COL14A1: variants seen among roughly 807,000 people sequenced by gnomAD.
COL14A1 encodes collagen type XIV alpha 1 chain, also known as collagen alpha-1(XIV) chain.
A neutral mutation model predicts 230.3 loss-of-function variants in COL14A1; 136 were observed. That is an observed-to-expected ratio of 0.59 (90% CI 0.51 to 0.68). The LOEUF (loss-of-function observed/expected upper bound fraction) is 0.68. Ranked by LOEUF, COL14A1 falls within the 30% of genes least tolerant of loss-of-function variation. The pLI is 0.00. For synonymous variants in COL14A1, 792 were observed against 784.1 expected (o/e 1.01, Z -0.17); for missense variants, 1,976 against 2,215.8 (o/e 0.89, Z 2.17).
At chr8:120,157,995 T>C in intron 2 of COL14A1, 135 bp from the exon 3 acceptor site, 8 of 514,246 alleles carry the variant, frequency 1.6e-5, no homozygotes, top group Non-Finnish European at 2.7e-5. Flanking sequence ...AAAAAGCATA[T>C]GTATATATAT....
intron 11 of COL14A1, among the ~76,000 whole-genome samples, chr8:120,208,830 G>A (rs7841837): frequency 0.038 from 5,774 of 152,026 alleles, 323 homozygotes; most frequent in African/African-American, 0.13. Context: ...GGGTAGGATC[G>A]TAATAACACA....
intron 8 of COL14A1, among the ~76,000 whole-genome samples, chr8:120,202,989 A>AATATACATATATATATATATATAT (rs1171878593): frequency 8.4e-5 from 9 of 106,554 alleles, no homozygotes; most frequent in Non-Finnish European, 1.2e-4. Flanking sequence ...AATAATTTCA[A>AATATACATATATATATATATATAT]ATATATATAT....
intron 25 of COL14A1, among the ~76,000 whole-genome samples, chr8:120,269,459 C>T (rs765075138): frequency 1.1e-4 from 16 of 151,688 alleles, no homozygotes; most frequent in Admixed American, 2.0e-4. Flanking sequence ...TATCAGTGGG[C>T]TATAGAAGGA....
Position 120,227,235 on chromosome 8 carries a change from GAGC to G in COL14A1, c.2023_2025del (p.Gln675del), listed in dbSNP as rs1563683268. The G allele has an allele frequency of 6.2e-7, 1 of 1,613,920 alleles. No individual in the cohort carries two copies. Among genetic ancestry groups the G allele is most frequent in the Non-Finnish European group, 8.5e-7 (1 of 1,179,922 alleles). On this transcript the variant is annotated inframe_deletion, in exon 17 of 48. Transcript: ENST00000297848. The stretch of plus-strand genomic sequence containing the variant: ...TATATTTCAGGTTGTCCTGAAAGAA[GAGC>G]AGGACTCACATGTTATTGAAGGCCT...
At chr8:120,227,751 T>A (rs1226350872) in intron 17 of COL14A1, among the ~76,000 whole-genome samples, 1 of 151,862 alleles carries the variant, frequency 6.6e-6, no homozygotes, top group Admixed American at 6.6e-5. Flanking sequence ...TGTCAAAGAG[T>A]TTCTGGAATT....
chr8:120,159,105 C>G (rs918514093), intron 3 of COL14A1, among the ~76,000 whole-genome samples: 3 of 152,154 alleles, frequency 2.0e-5, no homozygotes, highest in African/African-American at 7.2e-5. Context: ...ATGGAGTTTT[C>G]TATGAATTTG....
intron 14 of COL14A1, among the ~76,000 whole-genome samples, chr8:120,221,885 T>C (rs567834249): frequency 6.6e-6 from 1 of 152,322 alleles, no homozygotes; most frequent in African/African-American, 2.4e-5. Flanking sequence ...ATCAAGTCCC[T>C]GACTCTTTGT....
chr8:120,364,143 G>A (rs772223198), intron 45 of COL14A1, among the ~76,000 whole-genome samples: 1 of 152,054 alleles, frequency 6.6e-6, no homozygotes, highest in African/African-American at 2.4e-5. Flanking sequence ...ACTTAGCACT[G>A]GTGACCCCAT....
At chr8:120,224,967 A>G (rs1270886016) in intron 14 of COL14A1, 121 bp from the exon 15 acceptor site, 3 of 828,416 alleles carry the variant, frequency 3.6e-6, no homozygotes, top group African/African-American at 3.5e-5. Context: ...TTTATAATTC[A>G]GTAATTTGTT....
At chr8:120,194,040 C>T (rs149927026) in intron 5 of COL14A1, among the ~76,000 whole-genome samples, 2,468 of 152,300 alleles carry the variant, frequency 0.016, 51 homozygotes, top group Middle Eastern at 0.075. Context: ...GGCTCGCGCA[C>T]GGTGCGCTGC....
intron 1 of COL14A1, among the ~76,000 whole-genome samples, chr8:120,126,520 C>A (rs1563623790): frequency 6.6e-6 from 1 of 152,090 alleles, no homozygotes; most frequent in South Asian, 2.1e-4. Flanking sequence ...GGGGCAGGAA[C>A]AAGAGAAAGA....
At chr8:120,299,376 A>G (rs1399925247) in intron 35 of COL14A1, among the ~76,000 whole-genome samples, 1 of 152,154 alleles carries the variant, frequency 6.6e-6, no homozygotes, top group Non-Finnish European at 1.5e-5. Flanking sequence ...AAGAAATTAA[A>G]TTAGAGACAC....
At chr8:120,215,527 G>A (rs963646781) in intron 13 of COL14A1, among the ~76,000 whole-genome samples, 1 of 152,118 alleles carries the variant, frequency 6.6e-6, no homozygotes, top group African/African-American at 2.4e-5. Context: ...GCAGAGAAGT[G>A]AAATTACCTG....
Position 120,355,140 on chromosome 8 carries a change from C to A in COL14A1, c.5077+9577C>A, listed in dbSNP as rs144588963. Among the ~76,000 whole-genome samples, 4 of 152,280 alleles carry A rather than the reference C, an allele frequency of 2.6e-5. No individual in the cohort carries two copies. The East Asian group carries it at 7.7e-4, about 29-fold the overall frequency. On this transcript the variant is annotated intron_variant, in intron 45 of 47. Transcript: ENST00000297848. ...TATTTGTCAATTGCTTTTCTGACGT[C>A]AACTCACTCTTGAGTCACATTTTTG...
intron 13 of COL14A1, among the ~76,000 whole-genome samples, chr8:120,213,404 A>G (rs543191861): frequency 1.3e-5 from 2 of 152,282 alleles, no homozygotes; most frequent in African/African-American, 4.8e-5. Context: ...AATTTCTACA[A>G]TGCCTTTCTC....
At chr8:120,184,310 A>G (rs1185657404) in intron 5 of COL14A1, among the ~76,000 whole-genome samples, 1 of 151,106 alleles carries the variant, frequency 6.6e-6, no homozygotes, top group East Asian at 2.0e-4. Context: ...GCTGGAGTGC[A>G]GTGGTGTGAT....
At chr8:120,236,268 C>G (rs1238064329) in intron 19 of COL14A1, among the ~76,000 whole-genome samples, 3 of 152,148 alleles carry the variant, frequency 2.0e-5, no homozygotes, top group Admixed American at 6.5e-5. Context: ...TTGTAGGTTT[C>G]TAAGAATTTG....
rs764175344 is a variant in COL14A1, at chr8:120,371,227, T to C, written c.5387T>C (p.Val1796Ala). ...LEAMELWGPG[V>A] ...GCCATGGAACTGTGGGGCCCTGGAGTCTGATAGCCTCAGGAGAAATTTGAA... is the reference window on the plus strand; with the variant it reads ...GCCATGGAACTGTGGGGCCCTGGAGCCTGATAGCCTCAGGAGAAATTTGAA... Residue 1796 changes from valine (V) to alanine (A), a missense_variant, in exon 48 of 48, where the codon GTC (valine) becomes GCC (alanine). Val to Ala is a moderately conservative substitution (Grantham distance 64). Around this residue, in one of 3 missense-constraint regions of COL14A1, gnomAD observed 1,791 missense variants for 2,019.5 expected, o/e 0.89. Coordinates refer to ENST00000297848, the MANE Select transcript of COL14A1 (RefSeq NM_021110.4). 74 of 1,608,314 alleles carry C rather than the reference T, an allele frequency of 4.6e-5. No homozygotes were observed. Among genetic ancestry groups the C allele is most frequent in the Non-Finnish European group, 5.8e-5 (68 of 1,177,480 alleles).
chr8:120,227,043 T>C (rs1016095908), intron 16 of COL14A1, among the ~76,000 whole-genome samples, 177 bp from the exon 17 acceptor site: 2 of 152,182 alleles, frequency 1.3e-5, no homozygotes, highest in African/African-American at 4.8e-5. Flanking sequence ...GCAATATTAA[T>C]AATTTATTTG....
Sources: allele counts gnomAD v4.1 joint callset (sites outside exome capture counted in the v4.1 genomes callset), GRCh38; gene constraint gnomAD v4.1.1; regional missense constraint gnomAD v4.1.1; transcripts MANE v1.5; gene names NCBI Gene and HGNC (gene_info 2026-07-23, HGNC 2026-07-21).